DPF3: variants seen among roughly 807,000 people sequenced by gnomAD.
DPF3 encodes double PHD fingers 3, also known as zinc finger protein DPF3.
Under a neutral mutation model 56.8 loss-of-function variants are expected in DPF3, and 18 were observed. The ratio of observed to expected loss-of-function variants is 0.32; its 90% CI spans 0.22 to 0.47. The LOEUF is 0.47. Ranked by LOEUF, DPF3 falls within the 20% of genes least tolerant of loss-of-function variation. The pLI is 1.00. For synonymous variants in DPF3, 188 were observed against 180.2 expected (o/e 1.04, Z -0.35); for missense variants, 403 against 488.8 (o/e 0.82, Z 1.65).
In DPF3 at chr14:72,748,621, C is replaced by T. The variant is rs564958585; in HGVS notation, c.301+4643G>A. Among the ~76,000 whole-genome samples the T allele has an allele frequency of 2.6e-5, 4 of 152,336 alleles. No homozygotes were observed. In the South Asian group the frequency reaches 8.3e-4, roughly 32 times the overall value. On this transcript the variant is annotated intron_variant, in intron 3 of 10. Transcript: ENST00000556509. ...GTCTTCACGGCAGCCCCTCCCATCA[C>T]AGGCCTGGAGGTTTAGGAGAAAGAA... is the stretch of plus-strand genomic sequence containing the variant.
intron 2 of DPF3, among the ~76,000 whole-genome samples, chr14:72,755,259 A>C (rs1890745632): frequency 6.6e-6 from 1 of 152,180 alleles, no homozygotes; most frequent in Non-Finnish European, 1.5e-5. Context: ...ACACTTGTCC[A>C]GGTCCTACAC....
chr14:72,745,824 A>G (rs1179286669), intron 3 of DPF3, among the ~76,000 whole-genome samples: 1 of 152,206 alleles, frequency 6.6e-6, no homozygotes, highest in Non-Finnish European at 1.5e-5. Flanking sequence ...TTGAGCCCAA[A>G]TCAAATGGAA....
chr14:72,674,970 C>T (rs1886846858), intron 7 of DPF3, among the ~76,000 whole-genome samples: 1 of 152,202 alleles, frequency 6.6e-6, no homozygotes, highest in South Asian at 2.1e-4. Context: ...CCCTGAAGTC[C>T]AGACCCATTG....
chr14:72,863,963 AG>A (rs1885558855), intron 1 of DPF3, among the ~76,000 whole-genome samples: 1 of 152,210 alleles, frequency 6.6e-6, no homozygotes. Context: ...ACAGAAGCAA[AG>A]GCCTGGAGGT....
chr14:72,818,590 C>G (rs78070281), intron 1 of DPF3, among the ~76,000 whole-genome samples: 2 of 152,300 alleles, frequency 1.3e-5, no homozygotes, highest in Non-Finnish European at 2.9e-5. Context: ...GGCGAGAGGA[C>G]TGCTTGAGCC....
intron 1 of DPF3, among the ~76,000 whole-genome samples, chr14:72,840,164 A>G (rs1311388633): frequency 2.6e-5 from 4 of 152,190 alleles, no homozygotes; most frequent in Non-Finnish European, 5.9e-5. Flanking sequence ...TCAGCCGCCC[A>G]CTTCTGACCA....
chr14:72,687,678 C>T (rs949661640), intron 7 of DPF3, among the ~76,000 whole-genome samples: 1 of 152,092 alleles, frequency 6.6e-6, no homozygotes, highest in African/African-American at 2.4e-5. Flanking sequence ...CCTGGGAAGC[C>T]CTCTCCCTCC....
At chr14:72,869,156 T>C (rs1885796659) in intron 1 of DPF3, among the ~76,000 whole-genome samples, 1 of 152,192 alleles carries the variant, frequency 6.6e-6, no homozygotes, top group South Asian at 2.1e-4. Context: ...GGATCAAATG[T>C]TTCCTCTTCA....
chr14:72,827,967 A>G (rs572370463), intron 1 of DPF3, among the ~76,000 whole-genome samples: 4 of 152,246 alleles, frequency 2.6e-5, no homozygotes, highest in African/African-American at 9.6e-5. Flanking sequence ...AAAAAATACA[A>G]TGTGTAATGG....
At chr14:72,857,624 G>T (rs1413233693) in intron 1 of DPF3, among the ~76,000 whole-genome samples, 1 of 152,242 alleles carries the variant, frequency 6.6e-6, no homozygotes, top group East Asian at 1.9e-4. Context: ...GTCTCACTCT[G>T]TCACCAGGTT....
At chr14:72,835,936 C>G (rs1168535202) in intron 1 of DPF3, 1 of 662,748 alleles carries the variant, frequency 1.5e-6, no homozygotes. Context: ...CCTTATTTGA[C>G]TCTTCGACAC....
chr14:72,723,812 G>C, intron 4 of DPF3, 84 bp from the exon 5 acceptor site: 1 of 1,334,080 alleles, frequency 7.5e-7, no homozygotes, highest in Non-Finnish European at 1.0e-6. Context: ...AGGGTGTTCT[G>C]ATTTGTTGTT....
In DPF3 at chr14:72,753,337, G is replaced by T. The variant is rs200414736; in HGVS notation, c.228C>A (p.Ala76=). ...ATCGTCTCTTCTTGCGCCAGCAGCGGGCAGGGTATGTATACAGCTGGCCCG... is the reference window on the plus strand; with the variant it reads ...ATCGTCTCTTCTTGCGCCAGCAGCGTGCAGGGTATGTATACAGCTGGCCCG... ...LAPGQLYTYP[A]RCWRKKRRLH... The change falls in exon 3 of 11, where the codon GCC becomes GCA. Residue 76 remains alanine (A), a synonymous_variant. Coordinates refer to ENST00000556509, the MANE Select transcript of DPF3 (RefSeq NM_001280542.3). 1 of 1,613,308 alleles carries T rather than the reference G, an allele frequency of 6.2e-7. No individual in the cohort carries two copies. Among genetic ancestry groups the T allele is most frequent in the African/African-American group, 1.3e-5 (1 of 75,040 alleles).
intron 7 of DPF3, among the ~76,000 whole-genome samples, chr14:72,685,498 C>T (rs945697191): frequency 2.0e-5 from 3 of 152,328 alleles, no homozygotes; most frequent in Admixed American, 1.3e-4. Context: ...TCCTCTTCTA[C>T]GTGCAAGATA....
intron 2 of DPF3, among the ~76,000 whole-genome samples, chr14:72,768,006 C>T (rs1168688191): frequency 1.3e-5 from 2 of 152,106 alleles, no homozygotes; most frequent in Non-Finnish European, 2.9e-5. Context: ...CCTTTTTCAA[C>T]TGCTAAAATA....
intron 1 of DPF3, among the ~76,000 whole-genome samples, chr14:72,878,451 A>T (rs572913736): frequency 6.6e-6 from 1 of 152,338 alleles, no homozygotes; most frequent in African/African-American, 2.4e-5. Context: ...CTCTCAAAGA[A>T]GATGTATCCA....
At chr14:72,656,768 G>A (rs760041264) in intron 8 of DPF3, among the ~76,000 whole-genome samples, 1 of 152,140 alleles carries the variant, frequency 6.6e-6, no homozygotes, top group Non-Finnish European at 1.5e-5. Context: ...GGAGGTAACT[G>A]GGGTAACTTA....
intron 8 of DPF3, chr14:72,670,917 T>C: frequency 7.9e-7 from 1 of 1,272,040 alleles, no homozygotes; most frequent in South Asian, 1.6e-5. Flanking sequence ...CATTCTGCTG[T>C]TTTGTTTTGT....
chr14:72,680,443 C>A (rs923209976), intron 7 of DPF3, among the ~76,000 whole-genome samples: 2 of 152,232 alleles, frequency 1.3e-5, no homozygotes, highest in South Asian at 2.1e-4. Context: ...GGAAGCCTGG[C>A]GGGGAAGCAG....
Sources: allele counts gnomAD v4.1 joint callset (sites outside exome capture counted in the v4.1 genomes callset), GRCh38; gene constraint gnomAD v4.1.1; transcripts MANE v1.5; gene names NCBI Gene and HGNC (gene_info 2026-07-23, HGNC 2026-07-21).